PTGIS: variants seen among roughly 807,000 people sequenced by gnomAD.
PTGIS encodes prostacyclin synthase.
PTGIS carries 45 observed loss-of-function variants against 50.3 expected under a neutral mutation model. The observed-to-expected ratio is 0.90, with a 90% CI of 0.70 to 1.15. PTGIS has a LOEUF of 1.15. PTGIS is among the 50% of genes most tolerant of loss of function. The probability of loss-of-function intolerance (pLI) is 0.00; values close to 1 mark genes in which losing one functional copy is unlikely to be tolerated. For missense variants in PTGIS, 668 were observed against 661.3 expected (o/e 1.01, Z -0.11); for synonymous variants, 260 against 267.7 (o/e 0.97, Z 0.28).
At chr20:49,536,746 G>T (rs1488696758) in intron 5 of PTGIS, among the ~76,000 whole-genome samples, 1 of 152,084 alleles carries the variant, frequency 6.6e-6, no homozygotes, top group Non-Finnish European at 1.5e-5. Context: ...GCCTCCCAAA[G>T]TGCTGGGATT....
At chr20:49,543,467 C>T (rs1302735635) in intron 4 of PTGIS, among the ~76,000 whole-genome samples, 1 of 152,170 alleles carries the variant, frequency 6.6e-6, no homozygotes, top group Non-Finnish European at 1.5e-5. Flanking sequence ...GCATAATTTC[C>T]AAAGCCTTCC....
chr20:49,521,733 C>A (rs773169209), intron 6 of PTGIS, among the ~76,000 whole-genome samples: 4 of 152,122 alleles, frequency 2.6e-5, no homozygotes, highest in Non-Finnish European at 4.4e-5. Context: ...AGGAATTACC[C>A]AGAAATGTCA....
chr20:49,519,856 T>C (rs1019429347), intron 6 of PTGIS, among the ~76,000 whole-genome samples: 14 of 151,038 alleles, frequency 9.3e-5, no homozygotes, highest in African/African-American at 3.2e-4. Context: ...TCCTGTTGGC[T>C]TTACTTTGAT....
intron 9 of PTGIS, among the ~76,000 whole-genome samples, 173 bp from the exon 10 acceptor site, chr20:49,508,237 C>T (rs1981209561): frequency 6.6e-6 from 1 of 152,172 alleles, no homozygotes; most frequent in Non-Finnish European, 1.5e-5. Context: ...ATTTGCCAGC[C>T]CCCTGTAAGG....
chr20:49,511,848 ATAGATGGATGGATGGG>A (rs919855203), intron 8 of PTGIS, among the ~76,000 whole-genome samples: 18 of 152,100 alleles, frequency 1.2e-4, no homozygotes, highest in Non-Finnish European at 2.4e-4. Flanking sequence ...GGAGGGATGG[ATAGATGGATGGATGGG>A]TAGATGGGGT....
chr20:49,541,472 C>T (rs2122879355), intron 4 of PTGIS, among the ~76,000 whole-genome samples: 1 of 152,318 alleles, frequency 6.6e-6, no homozygotes, highest in South Asian at 2.1e-4. Context: ...TGGCTCACGC[C>T]TGTAATCCTA....
At chr20:49,553,147 A>G (rs1196036150) in intron 1 of PTGIS, among the ~76,000 whole-genome samples, 1 of 152,124 alleles carries the variant, frequency 6.6e-6, no homozygotes, top group African/African-American at 2.4e-5. Flanking sequence ...TTATTGTTTT[A>G]TATGTATTAG....
At chr20:49,548,100 G>T in intron 2 of PTGIS, 81 bp from the exon 3 acceptor site, 1 of 1,287,536 alleles carries the variant, frequency 7.8e-7, no homozygotes, top group South Asian at 1.2e-5. Context: ...CTTACTGTGT[G>T]CCAGGCACTG....
intron 5 of PTGIS, among the ~76,000 whole-genome samples, chr20:49,533,592 C>A (rs1022786043): frequency 9.9e-5 from 15 of 152,198 alleles, no homozygotes; most frequent in Non-Finnish European, 1.8e-4. Flanking sequence ...AAGTCCACAT[C>A]TTGTAAAAAA....
chr20:49,515,713 G>A (rs1263371332), intron 6 of PTGIS, among the ~76,000 whole-genome samples: 1 of 152,162 alleles, frequency 6.6e-6, no homozygotes, highest in African/African-American at 2.4e-5. Flanking sequence ...CCATCCATTG[G>A]ATGATGTGAT....
chr20:49,547,642 C>CAAACAAAA (rs1244797072), intron 3 of PTGIS, among the ~76,000 whole-genome samples, 199 bp downstream of exon 3: 3 of 151,162 alleles, frequency 2.0e-5, no homozygotes, highest in African/African-American at 7.3e-5. Context: ...AACAAAAAAA[C>CAAACAAAA]CCGCCAGAGA....
chr20:49,550,266 T>C, intron 1 of PTGIS, 77 bp from the exon 2 acceptor site: 3 of 1,573,252 alleles, frequency 1.9e-6, no homozygotes, highest in Non-Finnish European at 2.6e-6. Flanking sequence ...AGAGTGTGAT[T>C]TTGAATGGAG....
Position 49,507,953 on chromosome 20 carries a change from G to C in PTGIS, c.1470C>G (p.His490Gln). 1 of 1,613,312 alleles carries C rather than the reference G, an allele frequency of 6.2e-7. No homozygotes were observed. Among genetic ancestry groups the C allele is most frequent in the Non-Finnish European group, 8.5e-7 (1 of 1,180,030 alleles). ...GGATGCGGTAGCGGACGGGCACGTC[G>C]TGTTCCGGCTGCATCAGACCGAAGC... is the stretch of plus-strand genomic sequence containing the variant. ...RYGFGLMQPE[H>Q]DVPVRYRIRP The change falls in exon 10 of 10, where the codon CAC becomes CAG. Residue 490 changes from histidine to glutamine, a missense_variant. Transcript: ENST00000244043.
In PTGIS at chr20:49,507,797, G is replaced by T; in HGVS notation, c.*123C>A. 2 of 1,330,504 alleles carry T rather than the reference G, an allele frequency of 1.5e-6. No individual in the cohort carries two copies. The highest frequency in any genetic ancestry group is 1.9e-5 in the Admixed American group (1 of 52,518). The allele number at this position is 1,330,504 out of a possible 1,614,324, so 82.4% of individuals were successfully genotyped here. A position where few individuals can be genotyped will look rare whatever the true frequency, so the allele number is the denominator to read the frequency against. ...CTGGACCCAGCCTTCTGGGAGAAAA[G>T]CAGGGAAGTGGTAATGCTAGCACCT... On this transcript the variant is annotated 3_prime_UTR_variant, in exon 10 of 10. Coordinates refer to ENST00000244043, the MANE Select transcript of PTGIS (RefSeq NM_000961.4).
chr20:49,521,022 T>C lies in PTGIS; in HGVS notation c.855+3036A>G, dbSNP rs117374870. ...CCAGCTCCCTAAGGGCAGGGATTTT[T>C]GTCTGTTTTGCTCACCGCTCTATCC... On this transcript the variant is annotated intron_variant, in intron 6 of 9. Transcript: ENST00000244043. Among the ~76,000 whole-genome samples, 1,241 of 152,354 alleles carry C rather than the reference T, an allele frequency of 8.1e-3. 7 individuals are homozygous for C. Among genetic ancestry groups the C allele is most frequent in the South Asian group, 0.05 (242 of 4,824 alleles).
chr20:49,560,379 A>AT (rs951782981), intron 1 of PTGIS, among the ~76,000 whole-genome samples: 2 of 150,052 alleles, frequency 1.3e-5, no homozygotes, highest in Non-Finnish European at 3.0e-5. Context: ...TTGTTTTTCT[A>AT]TTTTTTTATA....
chr20:49,531,923 C>T (rs745871217), intron 5 of PTGIS, among the ~76,000 whole-genome samples: 3 of 152,178 alleles, frequency 2.0e-5, no homozygotes, highest in Non-Finnish European at 2.9e-5. Flanking sequence ...AGCCACTGTG[C>T]GCAGCCTCAT....
At chr20:49,542,748 A>G (rs1252185848) in intron 4 of PTGIS, among the ~76,000 whole-genome samples, 1 of 152,166 alleles carries the variant, frequency 6.6e-6, no homozygotes. Flanking sequence ...CCAGGGCAAA[A>G]CAAAAAGAAT....
At chr20:49,508,849 G>A (rs924990675) in intron 9 of PTGIS, among the ~76,000 whole-genome samples, 6 of 152,220 alleles carry the variant, frequency 3.9e-5, no homozygotes, top group African/African-American at 1.4e-4. Context: ...TGTGGAGGCA[G>A]CCCTACGGGG....
Sources: gnomAD v4.1 joint callset for allele counts (sites outside exome capture counted in the v4.1 genomes callset) on GRCh38, gnomAD v4.1.1 for gene constraint, MANE v1.5 for transcripts, NCBI Gene and HGNC (gene_info 2026-07-23, HGNC 2026-07-21) for gene names.